Variants in PRKN observed in about 807,000 individuals in gnomAD.
The protein encoded by PRKN is parkin RBR E3 ubiquitin protein ligase.
PRKN carries 56 observed loss-of-function variants against 59.5 expected under a neutral mutation model. That is an observed-to-expected ratio of 0.94 (90% CI 0.76 to 1.18). The LOEUF (loss-of-function observed/expected upper bound fraction) is 1.18, where lower values mean the gene tolerates loss of function less well. PRKN is among the 50% of genes most tolerant of loss of function. PRKN has a pLI of 0.00. For synonymous variants in PRKN, 250 were observed against 222.1 expected (o/e 1.13, Z -1.12); for missense variants, 657 against 596.4 (o/e 1.10, Z -1.06).
chr6:161,576,020 G>C lies in PRKN; in HGVS notation c.872-6604C>G, dbSNP rs1781117408. Among the ~76,000 whole-genome samples, 1 of 152,172 alleles carries C rather than the reference G, an allele frequency of 6.6e-6. No individual in the cohort carries two copies. Among genetic ancestry groups the C allele is most frequent in the South Asian group, 2.1e-4 (1 of 4,832 alleles). ...GCTGCAGCAGTGAAGGAATCCAGTG[G>C]GCGGCTTGCTACTCCAGCTAAGCCA... On this transcript the variant is annotated intron_variant, in intron 7 of 11. Coordinates refer to ENST00000366898, the MANE Select transcript of PRKN (RefSeq NM_004562.3). The surrounding 1 kb of genome is among the most constrained non-coding windows in gnomAD (Gnocchi z 4.6).
intron 1 of PRKN, 83 bp downstream of exon 1, chr6:162,727,579 C>T (rs1013419206): frequency 1.4e-6 from 2 of 1,417,322 alleles, no homozygotes; most frequent in East Asian, 5.0e-5. Flanking sequence ...CACCGGGGGT[C>T]CTGGTCGGCC....
chr6:161,753,019 T>C (rs757076061), intron 7 of PRKN, among the ~76,000 whole-genome samples: 1 of 152,112 alleles, frequency 6.6e-6, no homozygotes, highest in African/African-American at 2.4e-5. Flanking sequence ...TGGGTTATGG[T>C]GCGGTTAGAA....
At chr6:161,902,767 G>C (rs575026175) in intron 6 of PRKN, among the ~76,000 whole-genome samples, 13 of 151,942 alleles carry the variant, frequency 8.6e-5, no homozygotes, top group African/African-American at 2.9e-4. Context: ...ATGTTGGCCA[G>C]GCTGGTCTCA....
intron 2 of PRKN, among the ~76,000 whole-genome samples, chr6:162,301,175 CTA>C (rs1250349847): frequency 6.6e-6 from 1 of 152,070 alleles, no homozygotes; most frequent in Admixed American, 6.5e-5. Context: ...AAGATATGCA[CTA>C]TGATTTCTCC....
intron 2 of PRKN, among the ~76,000 whole-genome samples, chr6:162,426,885 A>G (rs1236631426): frequency 1.3e-5 from 2 of 152,248 alleles, no homozygotes; most frequent in African/African-American, 4.8e-5. Flanking sequence ...TTAATGTGGG[A>G]AATCTTATAC....
chr6:161,735,926 A>C (rs537542780), intron 7 of PRKN, among the ~76,000 whole-genome samples: 386 of 152,238 alleles, frequency 2.5e-3, no homozygotes, highest in African/African-American at 7.4e-3. Context: ...GAAAAAACAA[A>C]AAAAAAAGTG....
chr6:162,534,741 GC>G (rs1214265038), intron 1 of PRKN, among the ~76,000 whole-genome samples: 2 of 152,024 alleles, frequency 1.3e-5, no homozygotes, highest in Admixed American at 1.3e-4. Flanking sequence ...CACCAGATCT[GC>G]CCCTCCAGCT....
rs933430075 is a variant in PRKN, at chr6:161,410,153, G to C, written c.1084-23276C>G. On this transcript the variant is annotated intron_variant, in intron 9 of 11. Coordinates refer to ENST00000366898, the MANE Select transcript of PRKN (RefSeq NM_004562.3). The surrounding 1 kb of genome is among the most constrained non-coding windows in gnomAD (Gnocchi z 5.3). ...GCCCTTGAAGAAGGGGATGGGGAAG[G>C]ATTGCATAAGTTGTGGCAGGGGGCC... Among the ~76,000 whole-genome samples the C allele has an allele frequency of 1.3e-5, 2 of 152,132 alleles. No individual in the cohort carries two copies. Among genetic ancestry groups the C allele is most frequent in the Non-Finnish European group, 2.9e-5 (2 of 68,030 alleles).
chr6:161,863,616 G>T (rs9458400), intron 6 of PRKN, among the ~76,000 whole-genome samples: 1,833 of 152,204 alleles, frequency 0.012, 33 homozygotes, highest in African/African-American at 0.042. Flanking sequence ...AATTAACCCA[G>T]TCATCAGCAC....
At chr6:162,405,855 A>G (rs192050796) in intron 2 of PRKN, among the ~76,000 whole-genome samples, 1 of 152,208 alleles carries the variant, frequency 6.6e-6, no homozygotes, top group East Asian at 1.9e-4. Context: ...AGAGTTCTAG[A>G]CTCCAGACCT....
At chr6:161,564,503 A>G (rs1302018084) in intron 8 of PRKN, among the ~76,000 whole-genome samples, 1 of 152,084 alleles carries the variant, frequency 6.6e-6, no homozygotes, top group Admixed American at 6.5e-5. Flanking sequence ...TTTTTCTTAC[A>G]TTCTTCCCTA....
chr6:162,570,614 T>A (rs1780283510), intron 1 of PRKN, among the ~76,000 whole-genome samples: 1 of 152,204 alleles, frequency 6.6e-6, no homozygotes, highest in Non-Finnish European at 1.5e-5. Context: ...GTGGTACACA[T>A]GTACAATGGA....
Position 161,428,675 on chromosome 6 carries a change from T to A in PRKN, c.1084-41798A>T, listed in dbSNP as rs1788505336. Among the ~76,000 whole-genome samples the A allele has an allele frequency of 1.3e-5, 2 of 152,196 alleles. No homozygotes were observed. Among genetic ancestry groups the A allele is most frequent in the Non-Finnish European group, 2.9e-5 (2 of 68,040 alleles). On this transcript the variant is annotated intron_variant, in intron 9 of 11. Transcript: ENST00000366898. The surrounding 1 kb of genome is among the most constrained non-coding windows in gnomAD (Gnocchi z 4.0). Reference sequence around the variant, plus strand: ...ACTGTCTTGCTAAAGAATCAGCAATTCACACATATAATAAAGCTCACAACC... The same window carrying A: ...ACTGTCTTGCTAAAGAATCAGCAATACACACATATAATAAAGCTCACAACC...
At chr6:162,234,984 G>A (rs1231823522) in intron 3 of PRKN, among the ~76,000 whole-genome samples, 1 of 152,136 alleles carries the variant, frequency 6.6e-6, no homozygotes, top group Admixed American at 6.5e-5. Context: ...AGTATTCAGA[G>A]ATTCTCTTAT....
intron 9 of PRKN, among the ~76,000 whole-genome samples, chr6:161,432,172 T>C (rs1167551762): frequency 6.6e-6 from 1 of 152,156 alleles, no homozygotes; most frequent in Non-Finnish European, 1.5e-5. Context: ...CAAGAACAGA[T>C]AGATTTATTT....
rs1554253070 is a variant in PRKN at position 161,946,451 on chromosome 6, C to CTCTCTCTCTCTCTCTCT, written c.734+26850_734+26851insAGAGAGAGAGAGAGAGA. 5.6e-4 allele frequency among the ~76,000 whole-genome samples: 77 copies of CTCTCTCTCTCTCTCTCT among 136,628 alleles called. 2 individuals are homozygous for CTCTCTCTCTCTCTCTCT. The highest frequency in any genetic ancestry group is 2.0e-3 in the African/African-American group (75 of 37,746). The allele number at this position is 136,628 out of a possible 152,430, so 89.6% of individuals were successfully genotyped here. On this transcript the variant is annotated intron_variant, in intron 6 of 11. Coordinates refer to ENST00000366898, the MANE Select transcript of PRKN (RefSeq NM_004562.3). Reference sequence around the variant, plus strand: ...TCTCTCTCTCTCTCTCTCTCTCTCTCAATACAAAAGAGACAGCGCTAACCC... The same window carrying CTCTCTCTCTCTCTCTCT: ...TCTCTCTCTCTCTCTCTCTCTCTCTCTCTCTCTCTCTCTCTCTAATACAAAAGAGACAGCGCTAACCC...
rs1786257566 is a variant in PRKN, at chr6:161,386,574, C to T, written c.1167+220G>A. 6.6e-6 allele frequency among the ~76,000 whole-genome samples: 1 copy of T among 152,186 alleles called. No individual in the cohort carries two copies. The highest frequency in any genetic ancestry group is 2.4e-5 in the African/African-American group (1 of 41,438). On this transcript the variant is annotated intron_variant, in intron 10 of 11. Transcript: ENST00000366898. This position sits in a 1 kb window ranked among gnomAD's most constrained non-coding sequence, Gnocchi z 4.3. ...TGTTCCATATCTGCCCAGGGAAAAG[C>T]TATTTTGGACATGCCCCAAGTGGCC...
At chr6:162,157,714 C>T (rs941827695) in intron 4 of PRKN, among the ~76,000 whole-genome samples, 11 of 151,874 alleles carry the variant, frequency 7.2e-5, no homozygotes, top group Non-Finnish European at 1.3e-4. Context: ...AATGCTCTAC[C>T]GCAGTTTTAC....
rs1051924388 is a variant in PRKN at position 161,468,596 on chromosome 6, C to A, written c.1083+80258G>T. On this transcript the variant is annotated intron_variant, in intron 9 of 11. Coordinates refer to ENST00000366898, the MANE Select transcript of PRKN (RefSeq NM_004562.3). The surrounding 1 kb of genome is among the most constrained non-coding windows in gnomAD (Gnocchi z 5.9). ...ATGTCGTCTGCTATTATTTCAAATACTCATATTTCAGGAAGGCTCAGATTT... is the reference window on the plus strand; with the variant it reads ...ATGTCGTCTGCTATTATTTCAAATAATCATATTTCAGGAAGGCTCAGATTT... Among the ~76,000 whole-genome samples, 1 of 152,262 alleles carries A rather than the reference C, an allele frequency of 6.6e-6. No homozygotes were observed. Among genetic ancestry groups the A allele is most frequent in the South Asian group, 2.1e-4 (1 of 4,826 alleles).
Sources: gnomAD v4.1 joint callset for allele counts (sites outside exome capture counted in the v4.1 genomes callset) on GRCh38, gnomAD v4.1.1 for gene constraint, Gnocchi (gnomAD v3.1) non-coding constraint, MANE v1.5 for transcripts, NCBI Gene and HGNC (gene_info 2026-07-23, HGNC 2026-07-21) for gene names.